CCDC73: variants seen among roughly 807,000 people sequenced by gnomAD.
CCDC73 encodes the protein coiled-coil domain-containing protein 73.
In CCDC73, 95 loss-of-function variants were observed where a neutral mutation model predicts 116.5. The ratio of observed to expected loss-of-function variants is 0.82; its 90% confidence interval spans 0.69 to 0.97. The LOEUF (loss-of-function observed/expected upper bound fraction) is 0.97, where lower values mean the gene tolerates loss of function less well. CCDC73 is among the 50% of genes least tolerant of loss of function. The pLI, the probability that CCDC73 is intolerant of heterozygous loss-of-function variation, is 0.00. For missense variants in CCDC73, 1,066 were observed against 1,206.8 expected, an observed-to-expected ratio of 0.88 and a Z score of 1.73; for synonymous variants, 398 against 401.3, an observed-to-expected ratio of 0.99 and a Z score of 0.10.
intron 12 of CCDC73, among the ~76,000 whole-genome samples, chr11:32,649,996 T>C (rs1255104081): frequency 3.9e-5 from 6 of 152,200 alleles, no homozygotes; most frequent in African/African-American, 1.4e-4. Context: ...GAAAGGCATT[T>C]GAGAGAAAAA....
At chr11:32,673,597 T>G (rs1856058431) in intron 9 of CCDC73, among the ~76,000 whole-genome samples, 1 of 152,044 alleles carries the variant, frequency 6.6e-6, no homozygotes, top group Non-Finnish European at 1.5e-5. Flanking sequence ...ATAGGTGAGG[T>G]TTAGAGTGCA....
At chr11:32,747,718 C>T (rs1481593347) in intron 2 of CCDC73, among the ~76,000 whole-genome samples, 2 of 152,192 alleles carry the variant, frequency 1.3e-5, no homozygotes. Context: ...GCTGCACTAG[C>T]AAGCAAGCAA....
the CCDC73 span, among the ~76,000 whole-genome samples, chr11:32,822,305 G>A: frequency 6.6e-6 from 1 of 152,244 alleles, no homozygotes; most frequent in South Asian, 2.1e-4. Flanking sequence ...CATTGATGTA[G>A]GTAACCACAT....
intron 2 of CCDC73, among the ~76,000 whole-genome samples, chr11:32,751,452 A>AC (rs1237861304): frequency 6.7e-6 from 1 of 149,856 alleles, no homozygotes; most frequent in Non-Finnish European, 1.5e-5. Flanking sequence ...TTATTTGGAA[A>AC]CCCCCCAGCG....
chr11:32,611,081 T>C (rs1254569014), intron 17 of CCDC73, 51 bp downstream of exon 17: 6 of 1,589,618 alleles, frequency 3.8e-6, no homozygotes, highest in Non-Finnish European at 5.2e-6. Flanking sequence ...TACACATATC[T>C]GTAGAATTAG....
intron 9 of CCDC73, among the ~76,000 whole-genome samples, chr11:32,656,141 G>A (rs950283662): frequency 6.6e-6 from 1 of 151,024 alleles, no homozygotes; most frequent in Non-Finnish European, 1.5e-5. Context: ...GCAGTGGCAC[G>A]ATCTCGGCTC....
At chr11:32,694,616 A>G (rs1856292183) in intron 6 of CCDC73, among the ~76,000 whole-genome samples, 1 of 152,204 alleles carries the variant, frequency 6.6e-6, no homozygotes, top group Non-Finnish European at 1.5e-5. Context: ...TTAAAAATAT[A>G]CTTTCTATAT....
chr11:32,619,873 A>G (rs1590547745), intron 14 of CCDC73, among the ~76,000 whole-genome samples: 1 of 84,952 alleles, frequency 1.2e-5, no homozygotes, highest in Admixed American at 1.7e-4. Flanking sequence ...AAGGAGAAGG[A>G]GGAGGGGGAG....
At chr11:32,658,958 G>A (rs1590574422) in intron 9 of CCDC73, among the ~76,000 whole-genome samples, 1 of 152,130 alleles carries the variant, frequency 6.6e-6, no homozygotes, top group African/African-American at 2.4e-5. Context: ...ACTGATGGAA[G>A]AGACAAAAAG....
At chr11:32,688,462 C>T (rs1159083628) in intron 6 of CCDC73, among the ~76,000 whole-genome samples, 1 of 152,178 alleles carries the variant, frequency 6.6e-6, no homozygotes, top group Non-Finnish European at 1.5e-5. Flanking sequence ...TAAATACAAA[C>T]ATAGGATTCT....
intron 2 of CCDC73, among the ~76,000 whole-genome samples, chr11:32,733,901 G>A (rs1047641014): frequency 2.6e-5 from 4 of 152,066 alleles, no homozygotes; most frequent in Non-Finnish European, 5.9e-5. Flanking sequence ...GCAGCAGATG[G>A]CAAGAAATAA....
At chr11:32,669,388 C>T (rs759979011) in intron 9 of CCDC73, among the ~76,000 whole-genome samples, 28 of 151,790 alleles carry the variant, frequency 1.8e-4, no homozygotes, top group Non-Finnish European at 3.1e-4. Flanking sequence ...TTCTGATATA[C>T]GTATGCAGTG....
chr11:32,699,411 G>A (rs1590601320), intron 5 of CCDC73, 86 bp from the exon 6 acceptor site: 3 of 1,274,662 alleles, frequency 2.4e-6, no homozygotes, highest in East Asian at 3.2e-5. Flanking sequence ...AACCCTTTAA[G>A]TAAAAAACTG....
chr11:32,740,918 T>A (rs945309204), intron 2 of CCDC73, among the ~76,000 whole-genome samples: 1 of 152,184 alleles, frequency 6.6e-6, no homozygotes, highest in African/African-American at 2.4e-5. Context: ...TCCTTCTTGA[T>A]CTCTTCATTG....
intron 2 of CCDC73, among the ~76,000 whole-genome samples, chr11:32,750,869 C>T (rs1226932943): frequency 6.6e-6 from 1 of 152,124 alleles, no homozygotes. Flanking sequence ...CTCCTTTTCT[C>T]AAGTGGAAGG....
intron 1 of CCDC73, among the ~76,000 whole-genome samples, chr11:32,775,422 T>C (rs1385030103): frequency 6.6e-6 from 1 of 152,190 alleles, no homozygotes; most frequent in Non-Finnish European, 1.5e-5. Flanking sequence ...TAGCATATTA[T>C]CTATCCTGTT....
At chr11:32,653,043 TAAAC>T (rs1855839774) in intron 12 of CCDC73, 76 bp downstream of exon 12, 2 of 812,868 alleles carry the variant, frequency 2.5e-6, no homozygotes, top group Non-Finnish European at 3.9e-6. Context: ...GACAGAAAAA[TAAAC>T]TAAACAGGAA....
chr11:32,661,438 T>A (rs140079236), intron 9 of CCDC73, among the ~76,000 whole-genome samples: 1 of 150,842 alleles, frequency 6.6e-6, no homozygotes, highest in African/African-American at 2.4e-5. Context: ...CTCCTAATGC[T>A]ATCCCTCCCC....
rs941262809 is a variant in CCDC73 at position 32,760,160 on chromosome 11, T to A, written c.84A>T (p.Leu28Phe). ...SSETLFSIQL[L>F]DFKTSLLEAL... Reference sequence around the variant, plus strand: ...CCTCCAGTAAACTTGTTTTGAAATCTAATAGCTGAATAGAAAACAATGTCT... The same window carrying A: ...CCTCCAGTAAACTTGTTTTGAAATCAAATAGCTGAATAGAAAACAATGTCT... The change falls in exon 2 of 18, where the codon TTA (leucine) becomes TTT (phenylalanine). Residue 28 changes from leucine (L) to phenylalanine (F), a missense_variant. Physicochemically the swap from Leu to Phe is conservative, Grantham distance 22. Coordinates refer to ENST00000335185, the MANE Select transcript of CCDC73 (RefSeq NM_001008391.4). 4 of 1,604,662 alleles carry A rather than the reference T, an allele frequency of 2.5e-6. No individual in the cohort carries two copies. The African/African-American group carries it at 5.4e-5, about 22-fold the overall frequency.
Sources: gnomAD v4.1 joint callset for allele counts (sites outside exome capture counted in the v4.1 genomes callset) on GRCh38, gnomAD v4.1.1 for gene constraint, MANE v1.5 for transcripts, NCBI Gene and HGNC (gene_info 2026-07-23, HGNC 2026-07-21) for gene names.